The following RASA1 variants were observed in gnomAD, a reference collection of about 807,000 sequenced individuals.
RASA1 encodes ras GTPase-activating protein 1.
RASA1 carries 25 observed loss-of-function variants against 132.2 expected under a neutral mutation model. The observed-to-expected ratio is 0.19, with a 90% CI of 0.14 to 0.26. The LOEUF is 0.26. Among genes scored for constraint, RASA1 ranks in the 10% least tolerant of loss-of-function variants. The pLI, the probability that RASA1 is intolerant of heterozygous loss-of-function variation, is 1.00. For synonymous variants in RASA1, 477 were observed against 449.9 expected (o/e 1.06, Z -0.76); for missense variants, 964 against 1,299.2 (o/e 0.74, Z 3.97).
chr5:87,346,905 A>G (rs1758902781), intron 7 of RASA1, among the ~76,000 whole-genome samples, 181 bp downstream of exon 7: 2 of 152,004 alleles, frequency 1.3e-5, no homozygotes, highest in Admixed American at 1.3e-4. Flanking sequence ...GTGTTATAAA[A>G]TTTAGTCAAG....
intron 9 of RASA1, among the ~76,000 whole-genome samples, chr5:87,358,899 T>G (rs1440748379): frequency 2.6e-5 from 4 of 152,180 alleles, no homozygotes; most frequent in Non-Finnish European, 2.9e-5. Flanking sequence ...TCCACTAGCC[T>G]CACTCTTACA....
chr5:87,347,008 G>C (rs1270008480), intron 7 of RASA1, among the ~76,000 whole-genome samples: 1 of 151,788 alleles, frequency 6.6e-6, no homozygotes, highest in Non-Finnish European at 1.5e-5. Flanking sequence ...GAAGTTTTCT[G>C]TGTCTCTGTG....
rs780047662 is a variant in RASA1 at position 87,374,824 on chromosome 5, C to T, written c.1935-16C>T. On this transcript the variant is annotated splice_polypyrimidine_tract_variant and intron_variant, in intron 14 of 24. Transcript: ENST00000274376. ...CCAAAACATTTTGTTAATTCTTTTT[C>T]TCCTTGCTCCTTTAGTGATCTTCCT... 6.6e-5 allele frequency: 106 copies of T among 1,606,286 alleles called. No homozygotes were observed. The highest frequency in any genetic ancestry group is 8.7e-5 in the Non-Finnish European group (102 of 1,175,938).
intron 1 of RASA1, among the ~76,000 whole-genome samples, chr5:87,287,085 C>CAT (rs1283216038): frequency 7.2e-6 from 1 of 139,698 alleles, no homozygotes. Flanking sequence ...ATATACACAC[C>CAT]ATATATATAC....
chr5:87,294,302 C>G (rs1187387790), intron 1 of RASA1: 3 of 152,162 alleles, frequency 2.0e-5, no homozygotes, highest in Non-Finnish European at 2.9e-5. Flanking sequence ...GGTGGTTCAC[C>G]CCTCCTTAGG....
chr5:87,336,770 G>C (rs1758004402), intron 4 of RASA1, among the ~76,000 whole-genome samples: 1 of 151,994 alleles, frequency 6.6e-6, no homozygotes. Context: ...TTATTTAGGT[G>C]GTTCTAGAAA....
intron 23 of RASA1, 36 bp from the exon 24 acceptor site, chr5:87,389,357 T>G (rs1443981878): frequency 1.2e-6 from 2 of 1,612,814 alleles, no homozygotes; most frequent in Non-Finnish European, 1.7e-6. Flanking sequence ...AAAGAAGATT[T>G]GTATTTCTAA....
chr5:87,346,156 C>T (rs1439875431), intron 6 of RASA1, among the ~76,000 whole-genome samples: 1 of 152,014 alleles, frequency 6.6e-6, no homozygotes, highest in Non-Finnish European at 1.5e-5. Context: ...CTAAGTCCTT[C>T]TTTTCTTTCA....
rs1388888224 is a variant in RASA1 at position 87,292,379 on chromosome 5, T to C, written c.539+23389T>C. 6.6e-5 allele frequency among the ~76,000 whole-genome samples: 10 copies of C among 151,470 alleles called. No homozygotes were observed. The East Asian group carries it at 1.9e-3, about 29-fold the overall frequency. On this transcript the variant is annotated intron_variant, in intron 1 of 24. Transcript: ENST00000274376. ...GAGTGTTTACATTCTTTTTTTTTTT[T>C]TTTTTGTCATGTGGATGTCTAGTTG...
chr5:87,372,310 G>A, intron 13 of RASA1, 115 bp downstream of exon 13: 1 of 911,816 alleles, frequency 1.1e-6, no homozygotes, highest in Admixed American at 2.1e-5. Flanking sequence ...AAGCCATGCT[G>A]CCACTTGCTT....
intron 1 of RASA1, among the ~76,000 whole-genome samples, chr5:87,323,659 A>C (rs1372683655): frequency 6.6e-6 from 1 of 151,940 alleles, no homozygotes; most frequent in African/African-American, 2.4e-5. Flanking sequence ...TTTGTAAAGT[A>C]TATTGTAAAG....
chr5:87,367,106 T>A (rs991777342), intron 11 of RASA1, among the ~76,000 whole-genome samples: 5 of 152,122 alleles, frequency 3.3e-5, no homozygotes, highest in African/African-American at 4.8e-5. Flanking sequence ...CTATTTTTTT[T>A]AAAGTGCCTT....
rs771835302 is a variant in RASA1 at position 87,379,821 on chromosome 5, A to T, written c.2574A>T (p.Lys858Asn). 2 of 1,612,814 alleles carry T rather than the reference A, an allele frequency of 1.2e-6. No individual in the cohort carries two copies. The highest frequency in any genetic ancestry group is 1.7e-6 in the Non-Finnish European group (2 of 1,179,124). ...LLNILSELVEKIFMASEILPP... is the reference protein window; with the variant it reads ...LLNILSELVENIFMASEILPP... ...ACATACTTTCAGAGCTTGTGGAGAA[A>T]ATATTCATGGCTTCAGAAATACTTC... Residue 858 changes from lysine to asparagine, a missense_variant, in exon 19 of 25, where the codon AAA becomes AAT. Around this residue, in one of 6 missense-constraint regions of RASA1, gnomAD observed 346 missense variants for 520.1 expected, o/e 0.67. Transcript: ENST00000274376.
intron 11 of RASA1, chr5:87,366,416 AAG>A (rs1417248154): frequency 2.6e-6 from 1 of 380,180 alleles, no homozygotes; most frequent in African/African-American, 2.1e-5. Context: ...TTGATGGTAA[AAG>A]AGAAAGAATT....
At chr5:87,327,131 G>T (rs1478566148) in intron 1 of RASA1, among the ~76,000 whole-genome samples, 1 of 152,108 alleles carries the variant, frequency 6.6e-6, no homozygotes, top group Non-Finnish European at 1.5e-5. Flanking sequence ...ATTCTTCTAA[G>T]CAACTTTATA....
chr5:87,363,878 T>A (rs567009906), intron 11 of RASA1, among the ~76,000 whole-genome samples: 7 of 152,230 alleles, frequency 4.6e-5, no homozygotes, highest in African/African-American at 1.7e-4. Context: ...ATAAGCAAGT[T>A]CTTAAGAAAG....
At chr5:87,320,689 AC>A (rs1209728737) in intron 1 of RASA1, among the ~76,000 whole-genome samples, 1 of 152,228 alleles carries the variant, frequency 6.6e-6, no homozygotes, top group East Asian at 1.9e-4. Flanking sequence ...ACTGGGAGTA[AC>A]AGTTCAACAT....
intron 4 of RASA1, among the ~76,000 whole-genome samples, chr5:87,337,348 C>G (rs548739771): frequency 2.6e-5 from 4 of 152,118 alleles, no homozygotes; most frequent in Admixed American, 2.6e-4. Flanking sequence ...ACATTCCTTT[C>G]TCATAATATA....
intron 1 of RASA1, among the ~76,000 whole-genome samples, chr5:87,309,342 TCAGA>T (rs1755762938): frequency 6.6e-6 from 1 of 152,052 alleles, no homozygotes; most frequent in South Asian, 2.1e-4. Flanking sequence ...AAAAGAGCAA[TCAGA>T]CAGGATAGTA....
Sources: gnomAD v4.1 joint callset for allele counts (sites outside exome capture counted in the v4.1 genomes callset) on GRCh38, gnomAD v4.1.1 for gene constraint, gnomAD v4.1.1 regional missense constraint, MANE v1.5 for transcripts, NCBI Gene and HGNC (gene_info 2026-07-23, HGNC 2026-07-21) for gene names.